Variants in COPS5 observed in about 807,000 individuals in gnomAD.
COPS5 encodes the protein COP9 signalosome complex subunit 5.
COPS5 carries 8 observed loss-of-function variants against 44.4 expected under a neutral mutation model. The ratio of observed to expected loss-of-function variants is 0.18; its 90% CI spans 0.11 to 0.32. The LOEUF (loss-of-function observed/expected upper bound fraction) is 0.32, where lower values mean the gene tolerates loss of function less well. Among genes scored for constraint, COPS5 ranks in the 10% least tolerant of loss-of-function variants. COPS5 has a pLI of 1.00. For synonymous variants in COPS5, 122 were observed against 142.8 expected (o/e 0.85, Z 1.04); for missense variants, 159 against 406.4 (o/e 0.39, Z 5.23).
Position 67,045,976 on chromosome 8 carries a change from T to C in COPS5, c.772-16A>G, listed in dbSNP as rs754058538. The C allele has an allele frequency of 1.2e-6, 2 of 1,609,090 alleles. No homozygotes were observed. The highest frequency in any genetic ancestry group is 2.7e-5 in the African/African-American group (2 of 74,556). ...AGTCTGCATTCTGTGGGGAAAGTGG[T>C]ATTGTGTCACTGCAAAACACAAGTC... On this transcript the variant is annotated splice_polypyrimidine_tract_variant and intron_variant, in intron 6 of 7. Transcript: ENST00000357849.
At chr8:67,051,146 T>G in intron 6 of COPS5, 84 bp downstream of exon 6, 3 of 946,970 alleles carry the variant, frequency 3.2e-6, no homozygotes, top group Non-Finnish European at 5.1e-6. Flanking sequence ...GGTATAGCCT[T>G]TCTGTGAAAC....
intron 7 of COPS5, chr8:67,043,810 C>A (rs1478665236): frequency 6.6e-6 from 1 of 152,038 alleles, no homozygotes; most frequent in Non-Finnish European, 1.5e-5. Context: ...AATGACAAAA[C>A]CCCACCAATA....
intron 6 of COPS5, among the ~76,000 whole-genome samples, chr8:67,050,955 A>AT (rs1392727532): frequency 6.6e-6 from 1 of 151,892 alleles, no homozygotes; most frequent in Non-Finnish European, 1.5e-5. Context: ...CAATATGTGT[A>AT]TTTTTTTAAT....
At chr8:67,056,651 AAATATAT>A (rs1804511716) in intron 4 of COPS5, 47 bp from the exon 5 acceptor site, 1 of 55,902 alleles carries the variant, frequency 1.8e-5, no homozygotes, top group Non-Finnish European at 2.7e-5. Flanking sequence ...AAAAAAAAAA[AAATATAT>A]ATATATATAT....
At chr8:67,057,248 T>C (rs1375322931) in intron 4 of COPS5, 132 bp downstream of exon 4, 1 of 444,262 alleles carries the variant, frequency 2.3e-6, no homozygotes, top group African/African-American at 2.0e-5. Flanking sequence ...TCCCAGCTAC[T>C]TGGGAGGCTG....
chr8:67,053,697 T>TCA (rs1317877733), intron 5 of COPS5, among the ~76,000 whole-genome samples: 11 of 138,762 alleles, frequency 7.9e-5, no homozygotes, highest in East Asian at 4.4e-4. Flanking sequence ...TGAGACTCCA[T>TCA]CACACACACA....
intron 5 of COPS5, among the ~76,000 whole-genome samples, chr8:67,054,043 G>C (rs1327762741): frequency 6.6e-6 from 1 of 151,388 alleles, no homozygotes; most frequent in Non-Finnish European, 1.5e-5. Flanking sequence ...AGCAATTCCA[G>C]GTTCAAAATT....
intron 6 of COPS5, among the ~76,000 whole-genome samples, chr8:67,050,770 A>G (rs1266488446): frequency 2.0e-5 from 3 of 151,368 alleles, no homozygotes; most frequent in South Asian, 4.2e-4. Flanking sequence ...AGAGAAAGAA[A>G]AAAAAAAAAA....
At chr8:67,052,951 T>G (rs1804441200) in intron 5 of COPS5, among the ~76,000 whole-genome samples, 1 of 151,726 alleles carries the variant, frequency 6.6e-6, no homozygotes, top group Admixed American at 6.6e-5. Context: ...ATAGTACCAT[T>G]AGGAGATATT....
chr8:67,048,281 A>AAT (rs1473799236), intron 6 of COPS5, among the ~76,000 whole-genome samples: 1 of 151,472 alleles, frequency 6.6e-6, no homozygotes, highest in African/African-American at 2.4e-5. Flanking sequence ...AATAAAATAA[A>AAT]ATAATAAAAT....
chr8:67,051,420 A>G lies in COPS5; in HGVS notation c.660-79T>C, dbSNP rs16933150. ...CACATAAAACTTATGGCCAGATTTA[A>G]GTGAGTTACACTTTATTCTCAAATA... On this transcript the variant is annotated intron_variant, in intron 5 of 7. Coordinates refer to ENST00000357849, the MANE Select transcript of COPS5 (RefSeq NM_006837.3). The G allele has an allele frequency of 1.1e-3, 816 of 720,920 alleles. 1 individual carries two copies. The highest frequency in any genetic ancestry group is 5.4e-3 in the Middle Eastern group (14 of 2,602). The allele number at this position is 720,920 out of a possible 1,614,324, so 44.7% of individuals were successfully genotyped here. A position where few individuals can be genotyped will look rare whatever the true frequency, so the allele number is the denominator to read the frequency against.
intron 1 of COPS5, chr8:67,061,599 G>T: frequency 2.0e-6 from 1 of 503,402 alleles, no homozygotes; most frequent in Non-Finnish European, 3.6e-6. Flanking sequence ...CAATACGGAT[G>T]TTCAGAAGTG....
intron 5 of COPS5, among the ~76,000 whole-genome samples, chr8:67,056,150 T>G (rs1196673378): frequency 6.6e-6 from 1 of 152,146 alleles, no homozygotes; most frequent in African/African-American, 2.4e-5. Flanking sequence ...GTTTGAAACA[T>G]TAATAAAAAA....
At chr8:67,056,894 T>C (rs1030753867) in intron 4 of COPS5, among the ~76,000 whole-genome samples, 6 of 151,738 alleles carry the variant, frequency 4.0e-5, no homozygotes, top group African/African-American at 1.2e-4. Flanking sequence ...CCTTAGGTGA[T>C]GTACTTTTGT....
chr8:67,060,554 A>G lies in COPS5; in HGVS notation c.144-1109T>C, dbSNP rs538988989. ...CTTGGCTTCTCCCTTTACTGGAGAAAAGAAGAAAGACAAGTTACTGTGCTC... is the reference window on the plus strand; with the variant it reads ...CTTGGCTTCTCCCTTTACTGGAGAAGAGAAGAAAGACAAGTTACTGTGCTC... On this transcript the variant is annotated intron_variant, in intron 1 of 7. Transcript: ENST00000357849. The G allele has an allele frequency of 3.9e-5, 49 of 1,256,990 alleles. No individual in the cohort carries two copies. In the South Asian group the frequency reaches 5.9e-4, roughly 15 times the overall value. 77.9% of individuals were successfully genotyped at this position (1,256,990 alleles called of 1,614,324 possible). A position where few individuals can be genotyped will look rare whatever the true frequency, so the allele number is the denominator to read the frequency against.
At chr8:67,058,061 A>C in intron 3 of COPS5, 22 bp downstream of exon 3, 1 of 1,611,810 alleles carries the variant, frequency 6.2e-7, no homozygotes, top group Non-Finnish European at 8.5e-7. Flanking sequence ...GAACTTAATT[A>C]AACTGGTTTT....
intron 5 of COPS5, 31 bp from the exon 6 acceptor site, chr8:67,051,372 TA>T (rs763120396): frequency 8.8e-3 from 9,376 of 1,067,628 alleles, no homozygotes; most frequent in South Asian, 0.011. Flanking sequence ...ATTTAGTAAG[TA>T]AAAAAAAAAA....
Position 67,056,567 on chromosome 8 carries a change from TG to T in COPS5, c.610del (p.Gln204ArgfsTer8). 1 of 1,478,364 alleles carries T rather than the reference TG, an allele frequency of 6.8e-7. No homozygotes were observed. The highest frequency in any genetic ancestry group is 1.3e-5 in the South Asian group (1 of 75,044). The allele number at this position is 1,478,364 out of a possible 1,614,324, so 91.6% of individuals were successfully genotyped here. On this transcript the variant is annotated frameshift_variant, in exon 5 of 8. Transcript: ENST00000357849. LOFTEE classifies it high-confidence loss of function. ...TTCTATTTTATTAAGTGGAATAGTC[TG>T]GTACTCAGAAGGTCCTTCATCAGGA... ...KPPDEGPSEY[Q>X]TIPLNKIEDF...
At chr8:67,047,895 T>C (rs1409644654) in intron 6 of COPS5, 1 of 702,416 alleles carries the variant, frequency 1.4e-6, no homozygotes, top group East Asian at 2.7e-5. Context: ...CTTAGCAGTT[T>C]CTGGCACATA....
Sources: allele counts gnomAD v4.1 joint callset (sites outside exome capture counted in the v4.1 genomes callset), GRCh38; gene constraint gnomAD v4.1.1; transcripts MANE v1.5; gene names NCBI Gene and HGNC (gene_info 2026-07-23, HGNC 2026-07-21).